BPI: variants seen among roughly 807,000 people sequenced by gnomAD.
BPI encodes the protein bactericidal permeability-increasing protein.
Under a neutral mutation model 57.6 loss-of-function variants are expected in BPI, and 48 were observed. The observed-to-expected ratio is 0.83, with a 90% CI of 0.66 to 1.06. BPI has a LOEUF of 1.06. Among genes scored for constraint, BPI ranks in the 50% least tolerant of loss-of-function variants. BPI has a pLI of 0.00. For missense variants in BPI, 651 were observed against 609.7 expected (o/e 1.07, Z -0.71); for synonymous variants, 237 against 238.2 (o/e 0.99, Z 0.05).
chr20:38,324,301 G>A (rs368690739), intron 8 of BPI, among the ~76,000 whole-genome samples: 136 of 152,296 alleles, frequency 8.9e-4, no homozygotes, highest in African/African-American at 3.2e-3. Flanking sequence ...AGGGTGTCAT[G>A]AGGATTCAAT....
intron 5 of BPI, among the ~76,000 whole-genome samples, chr20:38,316,093 C>T (rs1045068176): frequency 1.3e-5 from 2 of 151,054 alleles, no homozygotes; most frequent in Non-Finnish European, 2.9e-5. Context: ...CTCGGCCTCT[C>T]AAAGTACTGG....
At chr20:38,315,496 G>T (rs755822623) in intron 5 of BPI, among the ~76,000 whole-genome samples, 6 of 152,190 alleles carry the variant, frequency 3.9e-5, no homozygotes, top group African/African-American at 1.4e-4. Flanking sequence ...GATTTGCTGC[G>T]ATCTGGAGCC....
rs1235863783 is a variant in BPI at position 38,327,722 on chromosome 20, G to A, written c.1229+67G>A. 5 of 1,543,392 alleles carry A rather than the reference G, an allele frequency of 3.2e-6. No individual in the cohort carries two copies. In the African/African-American group the frequency reaches 6.8e-5, roughly 21 times the overall value. The stretch of plus-strand genomic sequence containing the variant: ...CCTTGGTGTCTGTGGGATGACAGTG[G>A]TCCTGTGATATACAGAAGCACTGCA... On this transcript the variant is annotated intron_variant, in intron 11 of 14. Coordinates refer to ENST00000642449, the MANE Select transcript of BPI (RefSeq NM_001725.3).
At chr20:38,304,553 T>G (rs1269847699) in intron 1 of BPI, among the ~76,000 whole-genome samples, 200 bp downstream of exon 1, 1 of 152,184 alleles carries the variant, frequency 6.6e-6, no homozygotes, top group Non-Finnish European at 1.5e-5. Flanking sequence ...AGAGCTGGGA[T>G]TGGAGCACTG....
At chr20:38,310,279 GC>G (rs2076615644) in intron 3 of BPI, among the ~76,000 whole-genome samples, 2 of 152,156 alleles carry the variant, frequency 1.3e-5, no homozygotes, top group Non-Finnish European at 2.9e-5. Flanking sequence ...GCAGGTTTCT[GC>G]CAGGCAAACA....
At chr20:38,317,145 G>A (rs1325129897) in intron 5 of BPI, among the ~76,000 whole-genome samples, 1 of 152,164 alleles carries the variant, frequency 6.6e-6, no homozygotes, top group Admixed American at 6.5e-5. Flanking sequence ...AAGGTCATTC[G>A]AGAGCAACAT....
chr20:38,337,084 C>T (rs2076771197), intron 14 of BPI, 62 bp from the exon 15 acceptor site: 1 of 1,541,004 alleles, frequency 6.5e-7, no homozygotes, highest in East Asian at 2.4e-5. Context: ...ACTCCAGTAG[C>T]TCCACACTCA....
At position 38,337,140 on chromosome 20, in the gene BPI, C is replaced by T; in HGVS notation, c.1414-6C>T. 1 of 1,602,838 alleles carries T rather than the reference C, an allele frequency of 6.2e-7. No individual in the cohort carries two copies. Among genetic ancestry groups the T allele is most frequent in the Non-Finnish European group, 8.5e-7 (1 of 1,175,494 alleles). ...AACTGGTGACAACATTCTCATCTCT[C>T]CCTAGAACTTCCTGCTGTTCGGTGC... On this transcript the variant is annotated splice_polypyrimidine_tract_variant and splice_region_variant and intron_variant, in intron 14 of 14. Coordinates refer to ENST00000642449, the MANE Select transcript of BPI (RefSeq NM_001725.3).
At position 38,315,078 on chromosome 20, in the gene BPI, T is replaced by C. The variant is rs971878385; in HGVS notation, c.600+3141T>C. On this transcript the variant is annotated intron_variant, in intron 5 of 14. Coordinates refer to ENST00000642449, the MANE Select transcript of BPI (RefSeq NM_001725.3). ...CTGAGTGTTTACAGTGATCTGACAC[T>C]ATGCTAAGAACTTTTTCCATGGATT... is the stretch of plus-strand genomic sequence containing the variant. 3.9e-5 allele frequency among the ~76,000 whole-genome samples: 6 copies of C among 152,268 alleles called. No homozygotes were observed. The South Asian group carries it at 1.2e-3, about 32-fold the overall frequency.
At chr20:38,331,812 C>G (rs1445456714) in intron 12 of BPI, among the ~76,000 whole-genome samples, 1 of 150,530 alleles carries the variant, frequency 6.6e-6, no homozygotes, top group Non-Finnish European at 1.5e-5. Flanking sequence ...ACACTGCACT[C>G]CAGCCTGTGT....
At chr20:38,336,487 C>T (rs538730391) in intron 14 of BPI, among the ~76,000 whole-genome samples, 22 of 152,050 alleles carry the variant, frequency 1.4e-4, no homozygotes, top group African/African-American at 4.8e-4. Flanking sequence ...CTGTCACCTC[C>T]GCAGCGAAAC....
rs143421048 is a variant in BPI, at chr20:38,334,959, C to A, written c.1336+466C>A. Among the ~76,000 whole-genome samples, 582 of 152,206 alleles carry A rather than the reference C, an allele frequency of 3.8e-3. 5 individuals carry two copies. The highest frequency in any genetic ancestry group is 0.013 in the African/African-American group (553 of 41,534). ...ACGCTGGTAAGAGCTTCAGGCAGGC[C>A]GGCCCCTGACCTTTGAGAGTGAGGG... On this transcript the variant is annotated intron_variant, in intron 13 of 14. Transcript: ENST00000642449.
intron 3 of BPI, 61 bp downstream of exon 3, chr20:38,309,119 A>G: frequency 6.2e-7 from 1 of 1,607,426 alleles, no homozygotes; most frequent in Non-Finnish European, 8.5e-7. Context: ...ACGGGATTAG[A>G]GAGTCAGCGT....
intron 14 of BPI, 74 bp downstream of exon 14, chr20:38,335,748 C>T (rs1414217487): frequency 1.4e-6 from 2 of 1,445,338 alleles, no homozygotes; most frequent in African/African-American, 2.8e-5. Context: ...TGCAATGCTT[C>T]CTGCATGCCA....
chr20:38,312,186 T>C (rs1349037487), intron 5 of BPI, among the ~76,000 whole-genome samples: 1 of 152,040 alleles, frequency 6.6e-6, no homozygotes, highest in African/African-American at 2.4e-5. Flanking sequence ...TTGGGCCACC[T>C]CTGCTTTTCC....
intron 5 of BPI, among the ~76,000 whole-genome samples, chr20:38,314,133 ATGATGGTGG>A (rs1421737843): frequency 4.7e-3 from 613 of 129,080 alleles, no homozygotes; most frequent in South Asian, 6.3e-3. Flanking sequence ...GATGATGATG[ATGATGGTGG>A]TGGTGAGATT....
At position 38,305,377 on chromosome 20, in the gene BPI, C is replaced by G. The variant is rs192277154; in HGVS notation, c.130+1024C>G. ...TCCGTCATAGCAGCCTGAGTTTCCCCTTCTACCCAGGCCCCTTGTGCCAAT... is the reference window on the plus strand; with the variant it reads ...TCCGTCATAGCAGCCTGAGTTTCCCGTTCTACCCAGGCCCCTTGTGCCAAT... On this transcript the variant is annotated intron_variant, in intron 1 of 14. Coordinates refer to ENST00000642449, the MANE Select transcript of BPI (RefSeq NM_001725.3). Among the ~76,000 whole-genome samples the G allele has an allele frequency of 3.5e-3, 528 of 152,304 alleles. 3 individuals are homozygous for G. Among genetic ancestry groups the G allele is most frequent in the African/African-American group, 0.012 (499 of 41,566 alleles).
In BPI at chr20:38,321,043, T is replaced by G. The variant is rs2076680856; in HGVS notation, c.756+769T>G. On this transcript the variant is annotated intron_variant, in intron 7 of 14. Transcript: ENST00000642449. ...TGGGTGTGTTGGTGGGTGGGTGTAT[T>G]GGCGGATGTAAAGGTAGGTGGGTGG... Among the ~76,000 whole-genome samples the G allele has an allele frequency of 3.7e-3, 3 of 800 alleles. 1 individual carries two copies. Among genetic ancestry groups the G allele is most frequent in the Admixed American group, 0.019 (1 of 52 alleles). The allele number at this position is 800 out of a possible 152,430, so 0.5% of individuals were successfully genotyped here.
intron 5 of BPI, among the ~76,000 whole-genome samples, chr20:38,312,232 T>C (rs1002016052): frequency 6.6e-6 from 1 of 152,138 alleles, no homozygotes; most frequent in African/African-American, 2.4e-5. Flanking sequence ...TGCCATTCTC[T>C]TTCTGCCTCC....
Sources: allele counts gnomAD v4.1 joint callset (sites outside exome capture counted in the v4.1 genomes callset), GRCh38; gene constraint gnomAD v4.1.1; transcripts MANE v1.5; gene names NCBI Gene and HGNC (gene_info 2026-07-23, HGNC 2026-07-21).